NLRP4: variants seen among roughly 807,000 people sequenced by gnomAD.
NLRP4 encodes the protein NLR family pyrin domain containing 4, also known as NACHT, LRR and PYD domains-containing protein 4.
In NLRP4, 44 loss-of-function variants were observed where a neutral mutation model predicts 84.7. The ratio of observed to expected loss-of-function variants is 0.52; its 90% CI spans 0.41 to 0.67. The LOEUF (loss-of-function observed/expected upper bound fraction) is 0.67, where lower values mean the gene tolerates loss of function less well. Ranked by LOEUF, NLRP4 falls within the 30% of genes least tolerant of loss-of-function variation. The pLI is 0.00. For synonymous variants in NLRP4, 544 were observed against 476.4 expected (o/e 1.14, Z -1.85); for missense variants, 1,260 against 1,219.4 (o/e 1.03, Z -0.50).
chr19:55,851,312 AGGCTGCGGTGTAATGTCCGT>A (rs1199808000), intron 1 of NLRP4, among the ~76,000 whole-genome samples: 7 of 30,400 alleles, frequency 2.3e-4, no homozygotes, highest in Non-Finnish European at 3.0e-4. Flanking sequence ...GTAATGTCCG[AGGCTGCGGTGTAATGTCCGT>A]GGCTGCGGTG....
At chr19:55,843,814 T>C (rs1489693405) in intron 1 of NLRP4, among the ~76,000 whole-genome samples, 1 of 152,110 alleles carries the variant, frequency 6.6e-6, no homozygotes, top group Non-Finnish European at 1.5e-5. Flanking sequence ...ACCAACCTAA[T>C]AAAACATACT....
Position 55,858,678 on chromosome 19 carries a change from A to T in NLRP4, c.1285A>T (p.Ile429Phe). 1 of 1,614,168 alleles carries T rather than the reference A, an allele frequency of 6.2e-7. No individual in the cohort carries two copies. The highest frequency in any genetic ancestry group is 1.1e-5 in the South Asian group (1 of 91,076). Reference sequence around the variant, plus strand: ...GAGAAATGGGGTTGTTGACGCTGACATCCCTGCGCTGCTGGGCACCAAGAT... The same window carrying T: ...GAGAAATGGGGTTGTTGACGCTGACTTCCCTGCGCTGCTGGGCACCAAGAT... ...LRRNGVVDADIPALLGTKILL... is the reference protein window; with the variant it reads ...LRRNGVVDADFPALLGTKILL... Residue 429 changes from isoleucine (I) to phenylalanine (F), a missense_variant, in exon 3 of 10, where the codon ATC becomes TTC. This residue lies in a region of NLRP4 where 712 missense variants were observed against 669.2 expected (regional missense o/e 1.06). Transcript: ENST00000301295. The surrounding 1 kb of genome is among the most constrained non-coding windows in gnomAD (Gnocchi z 4.2).
At position 55,860,001 on chromosome 19, in the gene NLRP4, T is replaced by TC. The variant is rs556962403; in HGVS notation, c.1856+753dup. 3.8e-4 allele frequency among the ~76,000 whole-genome samples: 57 copies of TC among 149,046 alleles called. No homozygotes were observed. The East Asian group carries it at 0.011, about 30-fold the overall frequency. On this transcript the variant is annotated intron_variant, in intron 3 of 9. Transcript: ENST00000301295. ...TCTTCTTGTTCTTTTTTTTTTTTTT[T>TC]CTGAAATGGAGTTTTGCTTTGTCAC...
chr19:55,844,562 T>A (rs1357661870), intron 1 of NLRP4, among the ~76,000 whole-genome samples: 1 of 152,066 alleles, frequency 6.6e-6, no homozygotes, highest in African/African-American at 2.4e-5. Flanking sequence ...AGGTGTGAGC[T>A]ACTGTGCCCG....
Position 55,837,686 on chromosome 19 carries a change from G to A in NLRP4, c.-66+752G>A, listed in dbSNP as rs117412769. Among the ~76,000 whole-genome samples the A allele has an allele frequency of 9.5e-3, 1,445 of 152,142 alleles. 10 individuals carry two copies. Among genetic ancestry groups the A allele is most frequent in the Non-Finnish European group, 0.015 (1,035 of 67,994 alleles). Reference sequence around the variant, plus strand: ...TGTTGCAGATGTAATTAGTTAAGGCGAGGTCATACTGGAGTGAGTGGCCCC... The same window carrying A: ...TGTTGCAGATGTAATTAGTTAAGGCAAGGTCATACTGGAGTGAGTGGCCCC... On this transcript the variant is annotated intron_variant, in intron 1 of 9. Coordinates refer to ENST00000301295, the MANE Select transcript of NLRP4 (RefSeq NM_134444.5).
chr19:55,863,760 A>G (rs1984852914), intron 5 of NLRP4, among the ~76,000 whole-genome samples: 1 of 152,214 alleles, frequency 6.6e-6, no homozygotes, highest in Non-Finnish European at 1.5e-5. Flanking sequence ...TGGTAACTCA[A>G]GTGCCTTAAA....
chr19:55,876,684 G>A (rs1243000364), intron 7 of NLRP4, among the ~76,000 whole-genome samples: 1 of 152,078 alleles, frequency 6.6e-6, no homozygotes, highest in Non-Finnish European at 1.5e-5. Context: ...TGCATATAAT[G>A]TACAGGCATC....
intron 1 of NLRP4, among the ~76,000 whole-genome samples, chr19:55,840,344 ATGTG>A (rs762148583): frequency 2.5e-3 from 295 of 119,680 alleles, no homozygotes; most frequent in Admixed American, 8.0e-3. Flanking sequence ...GTGTATGTGT[ATGTG>A]TGTGTGTGTG....
At chr19:55,874,180 G>A (rs1422528715) in intron 7 of NLRP4, among the ~76,000 whole-genome samples, 11 of 152,062 alleles carry the variant, frequency 7.2e-5, no homozygotes, top group Admixed American at 7.2e-4. Context: ...TAAAAGTGAT[G>A]TAATATTTGA....
intron 5 of NLRP4, among the ~76,000 whole-genome samples, chr19:55,865,698 T>C (rs976890610): frequency 2.6e-5 from 4 of 152,248 alleles, no homozygotes; most frequent in African/African-American, 2.4e-5. Flanking sequence ...AGTTTTGATA[T>C]GCATTTTTCT....
At chr19:55,878,024 G>GT (rs1237267213) in intron 8 of NLRP4, among the ~76,000 whole-genome samples, 1 of 152,152 alleles carries the variant, frequency 6.6e-6, no homozygotes, top group African/African-American at 2.4e-5. Flanking sequence ...TAGTCCTGCA[G>GT]TCCCAGCACT....
chr19:55,863,871 C>T (rs1055114073), intron 5 of NLRP4, among the ~76,000 whole-genome samples: 1 of 152,062 alleles, frequency 6.6e-6, no homozygotes, highest in African/African-American at 2.4e-5. Context: ...ATAAGGGTTT[C>T]CTGTAAATAC....
intron 1 of NLRP4, among the ~76,000 whole-genome samples, chr19:55,845,106 A>G (rs960476622): frequency 6.6e-6 from 1 of 151,268 alleles, no homozygotes. Context: ...TACATGTGCC[A>G]TGTTGGTGTG....
intron 1 of NLRP4, among the ~76,000 whole-genome samples, chr19:55,840,614 G>A (rs1265902862): frequency 1.3e-5 from 2 of 152,124 alleles, no homozygotes; most frequent in African/African-American, 4.8e-5. Flanking sequence ...TAGCCAGGCT[G>A]GTCTAGATCT....
chr19:55,871,144 C>T lies in NLRP4; in HGVS notation c.2525+147C>T, dbSNP rs190192839. 72 of 659,984 alleles carry T rather than the reference C, an allele frequency of 1.1e-4. No individual in the cohort carries two copies. The Middle Eastern group carries it at 2.2e-3, about 20-fold the overall frequency. The allele number at this position is 659,984 out of a possible 1,614,324, so 40.9% of individuals were successfully genotyped here. ...AAAAATACTTGCTTCAGATTCTTGT[C>T]GAGACGTTCATGTAAACAAATCAGC... On this transcript the variant is annotated intron_variant, in intron 7 of 9. Coordinates refer to ENST00000301295, the MANE Select transcript of NLRP4 (RefSeq NM_134444.5).
chr19:55,856,515 T>C (rs1984423306), intron 2 of NLRP4, among the ~76,000 whole-genome samples: 1 of 132,474 alleles, frequency 7.5e-6, no homozygotes, highest in Non-Finnish European at 1.5e-5. Context: ...CTGGATCTTT[T>C]TTTTTTTTTT....
chr19:55,853,473 G>A (rs1349862883), intron 2 of NLRP4, among the ~76,000 whole-genome samples: 1 of 152,166 alleles, frequency 6.6e-6, no homozygotes, highest in Non-Finnish European at 1.5e-5. Flanking sequence ...GCTCACTGCA[G>A]CCTCAACTTC....
intron 5 of NLRP4, among the ~76,000 whole-genome samples, chr19:55,862,707 T>C (rs113296043): frequency 1.4e-4 from 20 of 144,482 alleles, no homozygotes; most frequent in Admixed American, 2.1e-4. Context: ...AGACCACTGA[T>C]TGGGTTTCAG....
intron 2 of NLRP4, among the ~76,000 whole-genome samples, chr19:55,855,536 G>T (rs1984377705): frequency 6.6e-6 from 1 of 152,208 alleles, no homozygotes; most frequent in East Asian, 1.9e-4. Context: ...GGGACTGAAA[G>T]ATTGGGGGAA....
Sources: gnomAD v4.1 joint callset for allele counts (sites outside exome capture counted in the v4.1 genomes callset) on GRCh38, gnomAD v4.1.1 for gene constraint, gnomAD v4.1.1 regional missense constraint, Gnocchi (gnomAD v3.1) non-coding constraint, MANE v1.5 for transcripts, NCBI Gene and HGNC (gene_info 2026-07-23, HGNC 2026-07-21) for gene names.